Variants in PTPRD observed in about 807,000 individuals in gnomAD.
PTPRD encodes the protein protein tyrosine phosphatase receptor type D.
In PTPRD, 34 loss-of-function variants were observed where a neutral mutation model predicts 214.5. The observed-to-expected ratio is 0.16, with a 90% confidence interval of 0.12 to 0.21. PTPRD has a LOEUF of 0.21. Ranked by LOEUF, PTPRD falls within the 10% of genes least tolerant of loss-of-function variation. The pLI, the probability that PTPRD is intolerant of heterozygous loss-of-function variation, is 1.00. For synonymous variants in PTPRD, 1,128 were observed against 845.7 expected, an observed-to-expected ratio of 1.33 and a Z score of -5.79; for missense variants, 2,545 against 2,398.7, an observed-to-expected ratio of 1.06 and a Z score of -1.27.
chr9:10,411,929 T>A (rs1002624872), intron 2 of PTPRD, among the ~76,000 whole-genome samples: 1 of 151,818 alleles, frequency 6.6e-6, no homozygotes, highest in Non-Finnish European at 1.5e-5. Context: ...TAAGAATGCA[T>A]ATGGATGAAA....
At chr9:9,606,768 GTAGA>G (rs1348370881) in intron 7 of PTPRD, among the ~76,000 whole-genome samples, 1 of 151,520 alleles carries the variant, frequency 6.6e-6, no homozygotes, top group African/African-American at 2.4e-5. Flanking sequence ...TACTAAATGG[GTAGA>G]TAGAGGTGGA....
At chr9:8,526,321 G>A (rs79100297) in intron 17 of PTPRD, among the ~76,000 whole-genome samples, 2 of 150,010 alleles carry the variant, frequency 1.3e-5, no homozygotes, top group Non-Finnish European at 3.0e-5. Context: ...GAAAAAAAAA[G>A]AGGGACAGAT....
rs146521878 is a variant in PTPRD, at chr9:8,786,760, G to C, written c.-103-52814C>G. Among the ~76,000 whole-genome samples, 84 of 151,422 alleles carry C rather than the reference G, an allele frequency of 5.5e-4. 1 individual carries two copies. The East Asian group carries it at 0.015, about 27-fold the overall frequency. On this transcript the variant is annotated intron_variant, in intron 11 of 45. Transcript: ENST00000381196. ...CTGAATCCTCAGGGAAAAAAAAGGTGGGGGGGCGGGGGGCGAGGGGTGTAT... is the reference window on the plus strand; with the variant it reads ...CTGAATCCTCAGGGAAAAAAAAGGTCGGGGGGCGGGGGGCGAGGGGTGTAT...
At chr9:8,453,838 G>C (rs1190873297) in intron 33 of PTPRD, among the ~76,000 whole-genome samples, 2 of 152,150 alleles carry the variant, frequency 1.3e-5, no homozygotes, top group East Asian at 3.9e-4. Flanking sequence ...CGCTATGGCT[G>C]CTGGTCCAGA....
In PTPRD at chr9:10,213,364, T is replaced by G. The variant is rs375636229; in HGVS notation, c.-545+127599A>C. The stretch of plus-strand genomic sequence containing the variant: ...GAATGTTTCAGAGAGGAAGCAAACT[T>G]TGTGTACAAGTGGCATGTGTCCTTT... On this transcript the variant is annotated intron_variant, in intron 3 of 45. Coordinates refer to ENST00000381196, the MANE Select transcript of PTPRD (RefSeq NM_002839.4). 9.2e-5 allele frequency among the ~76,000 whole-genome samples: 14 copies of G among 152,168 alleles called. No individual in the cohort carries two copies. The East Asian group carries it at 2.7e-3, about 30-fold the overall frequency.
At chr9:10,332,977 A>T (rs1338315631) in intron 3 of PTPRD, among the ~76,000 whole-genome samples, 1 of 151,924 alleles carries the variant, frequency 6.6e-6, no homozygotes, top group African/African-American at 2.4e-5. Flanking sequence ...TACCGCCTTC[A>T]AGTAAACTCC....
intron 14 of PTPRD, among the ~76,000 whole-genome samples, chr9:8,602,980 T>A (rs935851629): frequency 1.3e-5 from 2 of 152,186 alleles, no homozygotes; most frequent in Non-Finnish European, 2.9e-5. Flanking sequence ...CTGCTGCCAC[T>A]GGAAGATGAA....
chr9:10,528,369 T>G (rs947511419), intron 2 of PTPRD, among the ~76,000 whole-genome samples: 1 of 152,118 alleles, frequency 6.6e-6, no homozygotes, highest in Non-Finnish European at 1.5e-5. Flanking sequence ...ATTGTCAGAG[T>G]AAACTGAGTT....
chr9:10,585,264 TG>T (rs1017858905), intron 2 of PTPRD, among the ~76,000 whole-genome samples: 21 of 152,132 alleles, frequency 1.4e-4, no homozygotes, highest in Admixed American at 3.9e-4. Context: ...ACTTATTTTT[TG>T]TGCTCATCCT....
At chr9:8,585,371 T>C (rs1451920911) in intron 14 of PTPRD, among the ~76,000 whole-genome samples, 1 of 152,230 alleles carries the variant, frequency 6.6e-6, no homozygotes, top group Admixed American at 6.5e-5. Flanking sequence ...GCCCTGGTTC[T>C]GTCAAGGTTT....
intron 2 of PTPRD, among the ~76,000 whole-genome samples, chr9:10,439,949 C>T (rs1016756084): frequency 2.0e-5 from 3 of 151,334 alleles, no homozygotes; most frequent in Admixed American, 6.6e-5. Context: ...TGTGTTGTTA[C>T]GGTTTTGTAA....
chr9:9,758,601 T>C (rs1479634606), intron 6 of PTPRD, among the ~76,000 whole-genome samples: 1 of 152,126 alleles, frequency 6.6e-6, no homozygotes, highest in Non-Finnish European at 1.5e-5. Flanking sequence ...AGACAGCACT[T>C]GCCAAGGAGA....
intron 2 of PTPRD, among the ~76,000 whole-genome samples, chr9:10,551,764 C>A (rs2061415177): frequency 6.6e-6 from 1 of 152,142 alleles, no homozygotes; most frequent in Non-Finnish European, 1.5e-5. Flanking sequence ...ACTATTGCTT[C>A]CAGACCATTC....
intron 39 of PTPRD, among the ~76,000 whole-genome samples, chr9:8,349,422 A>G (rs1564164345): frequency 6.6e-6 from 1 of 152,050 alleles, no homozygotes; most frequent in Non-Finnish European, 1.5e-5. Context: ...AGTGCAGTGC[A>G]CCTCTCAAAA....
At chr9:8,661,319 T>C (rs1032900475) in intron 12 of PTPRD, among the ~76,000 whole-genome samples, 2 of 152,026 alleles carry the variant, frequency 1.3e-5, no homozygotes, top group African/African-American at 2.4e-5. Context: ...CTGTTCTAAA[T>C]TGCATTGTCA....
chr9:9,268,135 A>G (rs1387365858), intron 9 of PTPRD, among the ~76,000 whole-genome samples: 2 of 151,220 alleles, frequency 1.3e-5, no homozygotes, highest in Non-Finnish European at 3.0e-5. Flanking sequence ...GACTCCATGA[A>G]AAAAAGCTGT....
chr9:8,694,923 C>T (rs72700372), intron 12 of PTPRD, among the ~76,000 whole-genome samples: 24,077 of 152,108 alleles, frequency 0.16, 2,167 homozygotes, highest in African/African-American at 0.23. Context: ...CAAACATATC[C>T]GTCAAAATAT....
intron 14 of PTPRD, among the ~76,000 whole-genome samples, chr9:8,553,383 T>A (rs901698893): frequency 6.6e-6 from 1 of 152,174 alleles, no homozygotes; most frequent in Non-Finnish European, 1.5e-5. Flanking sequence ...CTGAGTCCCC[T>A]GGCGTGGCGT....
chr9:9,210,203 A>C (rs1180397413), intron 9 of PTPRD, among the ~76,000 whole-genome samples: 2 of 152,188 alleles, frequency 1.3e-5, no homozygotes, highest in African/African-American at 2.4e-5. Context: ...TGCTCACTAG[A>C]TGTGCAGAAA....
Sources: gnomAD v4.1 joint callset for allele counts (sites outside exome capture counted in the v4.1 genomes callset) on GRCh38, gnomAD v4.1.1 for gene constraint, MANE v1.5 for transcripts, NCBI Gene and HGNC (gene_info 2026-07-23, HGNC 2026-07-21) for gene names.